STRN3: variants seen among roughly 807,000 people sequenced by gnomAD.
STRN3 encodes the protein striatin 3.
Under a neutral mutation model 95.6 loss-of-function variants are expected in STRN3, and 29 were observed. That is an observed-to-expected ratio of 0.30 (90% confidence interval 0.23 to 0.41). STRN3 has a LOEUF of 0.41. Ranked by LOEUF, STRN3 falls within the 10% of genes least tolerant of loss-of-function variation. The pLI is 1.00. For synonymous variants in STRN3, 331 were observed against 357.6 expected, an observed-to-expected ratio of 0.93 and a Z score of 0.84; for missense variants, 890 against 972.1, an observed-to-expected ratio of 0.92 and a Z score of 1.12.
intron 1 of STRN3, among the ~76,000 whole-genome samples, chr14:31,001,545 A>G (rs1210137218): frequency 6.6e-6 from 1 of 152,018 alleles, no homozygotes; most frequent in Admixed American, 6.6e-5. Context: ...CCACCTAAAA[A>G]AAAAAAAACT....
chr14:30,981,311 C>G (rs1204142222), intron 1 of STRN3, among the ~76,000 whole-genome samples: 1 of 152,064 alleles, frequency 6.6e-6, no homozygotes, highest in East Asian at 1.9e-4. Flanking sequence ...AAGACCCCAT[C>G]TCTCAAAATA....
chr14:30,955,380 A>T (rs1879849123), intron 3 of STRN3, among the ~76,000 whole-genome samples: 1 of 152,204 alleles, frequency 6.6e-6, no homozygotes, highest in Non-Finnish European at 1.5e-5. Context: ...AATTACTACC[A>T]TAAATGCAAC....
At chr14:30,907,873 T>A (rs1000058163) in intron 13 of STRN3, among the ~76,000 whole-genome samples, 27 of 152,346 alleles carry the variant, frequency 1.8e-4, no homozygotes, top group African/African-American at 6.3e-4. Context: ...GTTTTTCTAG[T>A]AAACTCCTCC....
chr14:31,016,729 G>A (rs563146143), intron 1 of STRN3, among the ~76,000 whole-genome samples: 1 of 152,036 alleles, frequency 6.6e-6, no homozygotes, highest in Non-Finnish European at 1.5e-5. Context: ...ATTTTTAGTA[G>A]AAACGGCGTT....
intron 9 of STRN3, among the ~76,000 whole-genome samples, chr14:30,917,916 T>C (rs1896781845): frequency 6.6e-6 from 1 of 152,204 alleles, no homozygotes; most frequent in Non-Finnish European, 1.5e-5. Flanking sequence ...GCCAAATTAC[T>C]GTATCTCATA....
chr14:30,988,116 A>G (rs1341515169), intron 1 of STRN3, among the ~76,000 whole-genome samples: 2 of 152,196 alleles, frequency 1.3e-5, no homozygotes, highest in African/African-American at 4.8e-5. Flanking sequence ...CTGGACTGTG[A>G]GCCCTGAACA....
intron 1 of STRN3, among the ~76,000 whole-genome samples, chr14:31,006,264 A>G (rs1789988544): frequency 6.6e-6 from 1 of 152,188 alleles, no homozygotes; most frequent in Non-Finnish European, 1.5e-5. Flanking sequence ...ACCCTTTAAA[A>G]GAAATCTAGG....
chr14:30,920,161 T>A (rs6571370), intron 8 of STRN3, among the ~76,000 whole-genome samples: 147,762 of 152,228 alleles, frequency 0.97, 71,864 homozygotes, highest in East Asian at 1. Context: ...ACAAAATGCC[T>A]GGCAGTTAAG....
At chr14:30,949,641 G>A (rs1404073490) in intron 4 of STRN3, among the ~76,000 whole-genome samples, 1 of 151,688 alleles carries the variant, frequency 6.6e-6, no homozygotes, top group Non-Finnish European at 1.5e-5. Context: ...CAGAGATTGT[G>A]CCACTGCACT....
At chr14:30,961,843 G>A (rs1202105254) in intron 1 of STRN3, among the ~76,000 whole-genome samples, 2 of 152,204 alleles carry the variant, frequency 1.3e-5, no homozygotes, top group Non-Finnish European at 2.9e-5. Context: ...CTGGCCTCAA[G>A]TGGTCCTCTT....
chr14:30,984,553 G>A lies in STRN3; in HGVS notation c.283-28311C>T, dbSNP rs187341302. Reference sequence around the variant, plus strand: ...ATAGCACTTTGGGAGGCTGAGGTGCGCAGATCACGAGGTCAAGAGATCGAG... The same window carrying A: ...ATAGCACTTTGGGAGGCTGAGGTGCACAGATCACGAGGTCAAGAGATCGAG... On this transcript the variant is annotated intron_variant, in intron 1 of 17. Transcript: ENST00000357479. 5.9e-5 allele frequency among the ~76,000 whole-genome samples: 9 copies of A among 152,220 alleles called. No individual in the cohort carries two copies. The East Asian group carries it at 1.4e-3, about 23-fold the overall frequency.
At chr14:30,943,856 G>C (rs1879210032) in intron 5 of STRN3, among the ~76,000 whole-genome samples, 1 of 152,084 alleles carries the variant, frequency 6.6e-6, no homozygotes, top group Admixed American at 6.6e-5. Context: ...AAGTAGAATA[G>C]TGGTTGCCAG....
intron 8 of STRN3, among the ~76,000 whole-genome samples, chr14:30,921,109 T>TACACA (rs1368611591): frequency 1.2e-4 from 15 of 124,752 alleles, no homozygotes; most frequent in Non-Finnish European, 2.4e-4. Context: ...CACACACACT[T>TACACA]CCTTATCTTC....
chr14:31,005,893 G>T (rs1414364055), intron 1 of STRN3, among the ~76,000 whole-genome samples: 1 of 152,094 alleles, frequency 6.6e-6, no homozygotes, highest in Non-Finnish European at 1.5e-5. Context: ...CAAAGCGGGT[G>T]GATCACTTGA....
At chr14:31,016,811 G>A (rs1282135482) in intron 1 of STRN3, among the ~76,000 whole-genome samples, 3 of 151,972 alleles carry the variant, frequency 2.0e-5, no homozygotes, top group African/African-American at 7.2e-5. Flanking sequence ...CCAAAGTGCT[G>A]GGATTACAGT....
At chr14:30,963,335 A>G (rs1386095841) in intron 1 of STRN3, among the ~76,000 whole-genome samples, 1 of 152,212 alleles carries the variant, frequency 6.6e-6, no homozygotes, top group Non-Finnish European at 1.5e-5. Context: ...CCAACAAAAA[A>G]ATACACATCT....
rs1455470374 is a variant in STRN3, at chr14:30,912,012, G to A, written c.1545C>T (p.Ala515=). Residue 515 remains alanine (A), a synonymous_variant, in exon 11 of 18, where the codon GCC becomes GCT. Coordinates refer to ENST00000357479, the MANE Select transcript of STRN3 (RefSeq NM_001083893.2). ...KLWNLQKTVP[A]KKSASLDVEP... ...GCTAACACTAAAATACTTGCTTTTTGGCAGGAACTGTTTTTTGCAGGTTCC... is the reference window on the plus strand; with the variant it reads ...GCTAACACTAAAATACTTGCTTTTTAGCAGGAACTGTTTTTTGCAGGTTCC... 2 of 1,605,140 alleles carry A rather than the reference G, an allele frequency of 1.2e-6. No individual in the cohort carries two copies. The highest frequency in any genetic ancestry group is 1.7e-6 in the Non-Finnish European group (2 of 1,177,882).
In STRN3 at chr14:30,894,739, G is replaced by A. The variant is rs1379134663; in HGVS notation, c.*672C>T. ...AGGGCAACGGGTCAGTGAGATCTCT[G>A]TGTTTTAGGGTTGTATAATGCAGAA... On this transcript the variant is annotated 3_prime_UTR_variant, in exon 18 of 18. Transcript: ENST00000357479. The A allele has an allele frequency of 2.1e-5, 4 of 187,414 alleles. No homozygotes were observed. The highest frequency in any genetic ancestry group is 4.4e-5 in the Non-Finnish European group (4 of 91,002). 11.6% of individuals were successfully genotyped at this position (187,414 alleles called of 1,614,324 possible).
intron 1 of STRN3, among the ~76,000 whole-genome samples, chr14:31,015,662 C>A (rs904418862): frequency 6.6e-6 from 1 of 152,178 alleles, no homozygotes; most frequent in African/African-American, 2.4e-5. Flanking sequence ...CATGAGCCAC[C>A]GTGCCCCCAG....
Sources: allele counts gnomAD v4.1 joint callset (sites outside exome capture counted in the v4.1 genomes callset), GRCh38; gene constraint gnomAD v4.1.1; transcripts MANE v1.5; gene names NCBI Gene and HGNC (gene_info 2026-07-23, HGNC 2026-07-21).